Variants in SPATA16 observed in about 807,000 individuals in gnomAD.
The protein encoded by SPATA16 is spermatogenesis associated 16, also known as spermatogenesis-associated protein 16.
In SPATA16, 36 loss-of-function variants were observed where a neutral mutation model predicts 63.3. The ratio of observed to expected loss-of-function variants is 0.57; its 90% confidence interval spans 0.44 to 0.75. SPATA16 has a LOEUF of 0.75. Among genes scored for constraint, SPATA16 ranks in the 30% least tolerant of loss-of-function variants. SPATA16 has a pLI of 0.00. For missense variants in SPATA16, 646 were observed against 679.3 expected, an observed-to-expected ratio of 0.95 and a Z score of 0.54; for synonymous variants, 203 against 216.7, an observed-to-expected ratio of 0.94 and a Z score of 0.56.
At chr3:173,106,901 A>G (rs1050429070) in intron 2 of SPATA16, among the ~76,000 whole-genome samples, 4 of 152,034 alleles carry the variant, frequency 2.6e-5, no homozygotes, top group East Asian at 1.9e-4. Flanking sequence ...TGTATCTTTA[A>G]TAAGGATAAT....
intron 4 of SPATA16, among the ~76,000 whole-genome samples, chr3:172,997,509 G>A (rs1284713798): frequency 3.9e-5 from 6 of 151,908 alleles, no homozygotes; most frequent in African/African-American, 1.5e-4. Context: ...TTGGATAACA[G>A]TTCTTTATCG....
intron 4 of SPATA16, among the ~76,000 whole-genome samples, chr3:172,995,155 T>A (rs563682314): frequency 7.9e-5 from 12 of 152,088 alleles, no homozygotes; most frequent in African/African-American, 2.9e-4. Context: ...GATAGAACCT[T>A]TGGAAATACT....
chr3:172,896,487 C>T (rs892047753), intron 10 of SPATA16, among the ~76,000 whole-genome samples: 2 of 152,182 alleles, frequency 1.3e-5, no homozygotes, highest in African/African-American at 4.8e-5. Context: ...TCCCAAAGTG[C>T]TGGGATTACA....
chr3:173,024,797 A>T (rs1735415130), intron 3 of SPATA16, among the ~76,000 whole-genome samples: 2 of 150,756 alleles, frequency 1.3e-5, no homozygotes, highest in Admixed American at 1.3e-4. Context: ...TATACTTATT[A>T]ATCAATATTT....
At chr3:173,094,886 A>C (rs1737315900) in intron 2 of SPATA16, among the ~76,000 whole-genome samples, 1 of 152,166 alleles carries the variant, frequency 6.6e-6, no homozygotes, top group East Asian at 1.9e-4. Context: ...ACCTGGTTGT[A>C]AGCACATGTT....
chr3:172,894,148 CATT>C (rs1181085414), intron 10 of SPATA16, among the ~76,000 whole-genome samples: 11 of 152,122 alleles, frequency 7.2e-5, no homozygotes, highest in Non-Finnish European at 1.6e-4. Context: ...GATTTGATAA[CATT>C]AGTTTCTTTG....
chr3:173,010,238 G>A (rs941579332), intron 4 of SPATA16, among the ~76,000 whole-genome samples: 1 of 152,150 alleles, frequency 6.6e-6, no homozygotes, highest in East Asian at 1.9e-4. Flanking sequence ...GATTGCCAAG[G>A]CCATTGTGCC....
chr3:173,112,271 G>A (rs1428840734), intron 2 of SPATA16, among the ~76,000 whole-genome samples: 1 of 152,140 alleles, frequency 6.6e-6, no homozygotes, highest in African/African-American at 2.4e-5. Context: ...TAAAATGTAG[G>A]GGCCAAACTT....
chr3:172,927,433 A>G (rs1560069118), intron 6 of SPATA16, among the ~76,000 whole-genome samples: 1 of 152,384 alleles, frequency 6.6e-6, no homozygotes, highest in South Asian at 2.1e-4. Flanking sequence ...GAGCAAAAAC[A>G]TCTTAATCCC....
intron 8 of SPATA16, among the ~76,000 whole-genome samples, chr3:172,923,647 G>T (rs1216738801): frequency 6.6e-6 from 1 of 152,070 alleles, no homozygotes; most frequent in Non-Finnish European, 1.5e-5. Flanking sequence ...TGTAATTCAG[G>T]TCTTATTTTG....
At chr3:172,906,404 T>C (rs1355626510) in intron 10 of SPATA16, among the ~76,000 whole-genome samples, 4 of 152,206 alleles carry the variant, frequency 2.6e-5, no homozygotes, top group African/African-American at 4.8e-5. Context: ...GAGGATCCTA[T>C]ACAAGTAAGT....
At chr3:172,906,511 G>A (rs149150760) in intron 10 of SPATA16, among the ~76,000 whole-genome samples, 7 of 152,138 alleles carry the variant, frequency 4.6e-5, no homozygotes, top group African/African-American at 1.7e-4. Context: ...CTGGTTTATA[G>A]CCAAATTCCA....
chr3:172,948,683 G>A (rs915596839), intron 6 of SPATA16, among the ~76,000 whole-genome samples: 1 of 151,970 alleles, frequency 6.6e-6, no homozygotes, highest in African/African-American at 2.4e-5. Flanking sequence ...GTCTAGGCTG[G>A]TCTTGAACTC....
intron 10 of SPATA16, among the ~76,000 whole-genome samples, chr3:172,905,086 T>C (rs1055862257): frequency 6.6e-6 from 1 of 152,124 alleles, no homozygotes; most frequent in African/African-American, 2.4e-5. Flanking sequence ...CTTAGGTTTC[T>C]TTCCCTGCAT....
intron 10 of SPATA16, among the ~76,000 whole-genome samples, chr3:172,892,524 A>T (rs1353020529): frequency 6.6e-6 from 1 of 152,212 alleles, no homozygotes; most frequent in Non-Finnish European, 1.5e-5. Context: ...AAATGACACG[A>T]TATGCAGCAA....
At chr3:173,138,939 C>T (rs1052722351) in intron 1 of SPATA16, among the ~76,000 whole-genome samples, 32 of 152,148 alleles carry the variant, frequency 2.1e-4, no homozygotes, top group African/African-American at 6.8e-4. Context: ...ACATTTACTC[C>T]TGGAGGCTTT....
chr3:173,070,390 G>A (rs1187051738), intron 2 of SPATA16, among the ~76,000 whole-genome samples: 15 of 119,028 alleles, frequency 1.3e-4, no homozygotes, highest in Non-Finnish European at 1.5e-4. Flanking sequence ...ACAAGACTCT[G>A]TCTCAAAAAA....
chr3:173,121,047 A>G (rs1466848056), intron 1 of SPATA16, among the ~76,000 whole-genome samples: 1 of 152,218 alleles, frequency 6.6e-6, no homozygotes, highest in African/African-American at 2.4e-5. Context: ...TTCCCAATAT[A>G]TATAAGAAAC....
intron 3 of SPATA16, among the ~76,000 whole-genome samples, chr3:173,048,660 C>T (rs1560106565): frequency 1.3e-5 from 2 of 152,086 alleles, no homozygotes; most frequent in South Asian, 4.1e-4. Flanking sequence ...ACCTCCCTTA[C>T]TTACCTATTC....
Sources: allele counts gnomAD v4.1 joint callset (sites outside exome capture counted in the v4.1 genomes callset), GRCh38; gene constraint gnomAD v4.1.1; transcripts MANE v1.5; gene names NCBI Gene and HGNC (gene_info 2026-07-23, HGNC 2026-07-21).